The following INPP4B variants were observed in gnomAD, a reference collection of about 807,000 sequenced individuals.
INPP4B encodes inositol polyphosphate 4-phosphatase type II.
A neutral mutation model predicts 122.5 loss-of-function variants in INPP4B; 55 were observed. That is an observed-to-expected ratio of 0.45 (90% CI 0.36 to 0.56). The LOEUF (loss-of-function observed/expected upper bound fraction) is 0.56, where lower values mean the gene tolerates loss of function less well. INPP4B is among the 20% of genes least tolerant of loss of function. INPP4B has a pLI of 0.00. For missense variants in INPP4B, 1,000 were observed against 1,097.7 expected (o/e 0.91, Z 1.26); for synonymous variants, 403 against 388.7 (o/e 1.04, Z -0.43).
intron 3 of INPP4B, among the ~76,000 whole-genome samples, chr4:142,459,486 A>G (rs1053169571): frequency 1.3e-5 from 2 of 152,146 alleles, no homozygotes; most frequent in Non-Finnish European, 2.9e-5. Flanking sequence ...TAGGGAAGAG[A>G]ATATTGACAA....
chr4:142,384,189 C>T (rs1795158575), intron 7 of INPP4B: 4 of 699,106 alleles, frequency 5.7e-6, no homozygotes, highest in African/African-American at 1.7e-5. Context: ...AATTCCAGTA[C>T]ATGTGGGTTA....
chr4:142,739,771 T>G (rs1767633157), intron 1 of INPP4B, among the ~76,000 whole-genome samples: 1 of 152,050 alleles, frequency 6.6e-6, no homozygotes. Context: ...TAATACGTTA[T>G]TTTAAGGATT....
intron 17 of INPP4B, among the ~76,000 whole-genome samples, chr4:142,153,980 T>A (rs977234588): frequency 1.3e-5 from 2 of 152,182 alleles, no homozygotes; most frequent in Non-Finnish European, 2.9e-5. Context: ...GGATAAGTAT[T>A]CAAAGCACAT....
At chr4:142,100,452 G>T (rs2152637081) in intron 23 of INPP4B, among the ~76,000 whole-genome samples, 1 of 152,200 alleles carries the variant, frequency 6.6e-6, no homozygotes, top group South Asian at 2.1e-4. Flanking sequence ...TGTCCTTTTA[G>T]CACCTGGGTT....
intron 2 of INPP4B, among the ~76,000 whole-genome samples, chr4:142,481,565 T>G (rs1047255231): frequency 5.3e-5 from 8 of 152,268 alleles, no homozygotes; most frequent in African/African-American, 1.7e-4. Flanking sequence ...TTTATAATAT[T>G]TTTATAAATT....
At chr4:142,679,407 C>A (rs1644638848) in intron 2 of INPP4B, among the ~76,000 whole-genome samples, 1 of 151,802 alleles carries the variant, frequency 6.6e-6, no homozygotes, top group Non-Finnish European at 1.5e-5. Context: ...TGGGTATTTA[C>A]CTATTGCTAG....
chr4:142,625,864 C>T (rs748804015), intron 2 of INPP4B, among the ~76,000 whole-genome samples: 1 of 152,012 alleles, frequency 6.6e-6, no homozygotes, highest in Non-Finnish European at 1.5e-5. Flanking sequence ...ACAAACCTGA[C>T]AAAAACAAGA....
chr4:142,504,239 T>A (rs929857313), intron 2 of INPP4B, among the ~76,000 whole-genome samples: 12 of 151,814 alleles, frequency 7.9e-5, no homozygotes, highest in African/African-American at 2.7e-4. Flanking sequence ...GAAAGAACAG[T>A]TCACAGAGGA....
chr4:142,334,873 T>C (rs1189104498), intron 7 of INPP4B, among the ~76,000 whole-genome samples: 2 of 152,228 alleles, frequency 1.3e-5, no homozygotes, highest in East Asian at 3.9e-4. Context: ...TATTAGCCAC[T>C]TATCAGATAC....
chr4:142,106,165 G>T (rs1213540725), intron 23 of INPP4B, among the ~76,000 whole-genome samples: 1 of 152,168 alleles, frequency 6.6e-6, no homozygotes, highest in Non-Finnish European at 1.5e-5. Context: ...TGTAAGCAAT[G>T]AAATGCAATT....
intron 2 of INPP4B, among the ~76,000 whole-genome samples, chr4:142,587,404 T>C (rs1282733916): frequency 1.3e-5 from 2 of 152,108 alleles, no homozygotes; most frequent in African/African-American, 4.8e-5. Flanking sequence ...TGGGTTTTAC[T>C]ATCTGAAAAG....
chr4:142,818,788 G>A (rs1423160937), intron 1 of INPP4B, among the ~76,000 whole-genome samples: 1 of 151,868 alleles, frequency 6.6e-6, no homozygotes, highest in Non-Finnish European at 1.5e-5. Context: ...AGAGCCCCTC[G>A]CCCTTATTAG....
At chr4:142,771,007 G>A (rs1772973874) in intron 1 of INPP4B, among the ~76,000 whole-genome samples, 1 of 152,128 alleles carries the variant, frequency 6.6e-6, no homozygotes, top group Non-Finnish European at 1.5e-5. Flanking sequence ...GAAAGTGCGG[G>A]TAACAAATGC....
chr4:142,780,041 A>G (rs1017951819), intron 1 of INPP4B, among the ~76,000 whole-genome samples: 1 of 152,180 alleles, frequency 6.6e-6, no homozygotes, highest in Non-Finnish European at 1.5e-5. Flanking sequence ...AAATGAGCCC[A>G]TATTTACTAA....
At chr4:142,514,767 C>T (rs1307248344) in intron 2 of INPP4B, among the ~76,000 whole-genome samples, 2 of 151,236 alleles carry the variant, frequency 1.3e-5, no homozygotes, top group African/African-American at 4.8e-5. Flanking sequence ...GTATACACTG[C>T]CATCCCCTGC....
In INPP4B at chr4:142,270,713, T is replaced by C. The variant is rs1481987059; in HGVS notation, c.565A>G (p.Ile189Val). Reference sequence around the variant, plus strand: ...ATGTGGTCGGCTTCCCCATCCTCAATCTCCCCCATCTTCACGACACTGACT... The same window carrying C: ...ATGTGGTCGGCTTCCCCATCCTCAACCTCCCCCATCTTCACGACACTGACT... The part of the protein sequence containing the change: ...IEVSVVKMGE[I>V]EDGEADHITT... The change falls in exon 10 of 26, where the codon ATT becomes GTT. Residue 189 changes from isoleucine (I) to valine (V), a missense_variant. Physicochemically the swap from Ile to Val is conservative, Grantham distance 29. Coordinates refer to ENST00000262992, the MANE Select transcript of INPP4B (RefSeq NM_001101669.3). 1.2e-6 allele frequency: 2 copies of C among 1,613,672 alleles called. No homozygotes were observed. Among genetic ancestry groups the C allele is most frequent in the African/African-American group, 2.7e-5 (2 of 74,818 alleles).
intron 7 of INPP4B, among the ~76,000 whole-genome samples, chr4:142,401,708 TA>T (rs1801650569): frequency 6.6e-6 from 1 of 152,142 alleles, no homozygotes; most frequent in Admixed American, 6.6e-5. Flanking sequence ...GTAAATATTT[TA>T]AAAGATGAAA....
chr4:142,537,498 A>T (rs1828425237), intron 2 of INPP4B, among the ~76,000 whole-genome samples: 1 of 147,994 alleles, frequency 6.8e-6, no homozygotes, highest in African/African-American at 2.5e-5. Flanking sequence ...ATACACAAAC[A>T]CATAAAGTGA....
intron 7 of INPP4B, chr4:142,347,574 C>T: frequency 7.9e-6 from 3 of 382,122 alleles, no homozygotes; most frequent in Admixed American, 3.2e-5. Flanking sequence ...AGAAAAGATG[C>T]TATTATTTTC....
Sources: allele counts gnomAD v4.1 joint callset (sites outside exome capture counted in the v4.1 genomes callset), GRCh38; gene constraint gnomAD v4.1.1; transcripts MANE v1.5; gene names NCBI Gene and HGNC (gene_info 2026-07-23, HGNC 2026-07-21).